Variants in NKAIN3 observed in about 807,000 individuals in gnomAD.
NKAIN3 encodes the protein sodium/potassium-transporting ATPase subunit beta-1-interacting protein 3.
In NKAIN3, 25 loss-of-function variants were observed where a neutral mutation model predicts 30.2. The ratio of observed to expected loss-of-function variants is 0.83; its 90% CI spans 0.60 to 1.16. NKAIN3 has a LOEUF of 1.16. Among genes scored for constraint, NKAIN3 ranks in the 50% most tolerant of loss-of-function variants. NKAIN3 has a pLI of 0.00. For missense variants in NKAIN3, 225 were observed against 254.1 expected (o/e 0.89, Z 0.78); for synonymous variants, 91 against 89.6 (o/e 1.02, Z -0.09).
chr8:62,440,891 G>A lies in NKAIN3; in HGVS notation c.55-138648G>A, dbSNP rs368719424. Among the ~76,000 whole-genome samples, 10 of 152,132 alleles carry A rather than the reference G, an allele frequency of 6.6e-5. No individual in the cohort carries two copies. The East Asian group carries it at 1.4e-3, about 21-fold the overall frequency. On this transcript the variant is annotated intron_variant, in intron 1 of 6. Transcript: ENST00000623646. Reference sequence around the variant, plus strand: ...AATGTCTGCTCAAAGCTGCTGTTCCGAATATCCTAATTTGTTTCGACTGCC... The same window carrying A: ...AATGTCTGCTCAAAGCTGCTGTTCCAAATATCCTAATTTGTTTCGACTGCC...
chr8:62,479,284 C>T (rs994686931), intron 1 of NKAIN3, among the ~76,000 whole-genome samples: 7 of 152,132 alleles, frequency 4.6e-5, no homozygotes, highest in Non-Finnish European at 1.0e-4. Context: ...ATCCTAGGTT[C>T]TCTGACAGGT....
intron 4 of NKAIN3, among the ~76,000 whole-genome samples, chr8:62,778,131 G>C (rs1246129740): frequency 1.3e-5 from 2 of 152,124 alleles, no homozygotes; most frequent in African/African-American, 4.8e-5. Flanking sequence ...TTACCACGGA[G>C]ACTGTGCTGG....
intron 3 of NKAIN3, among the ~76,000 whole-genome samples, chr8:62,676,918 C>T (rs1045745202): frequency 6.6e-6 from 1 of 151,966 alleles, no homozygotes; most frequent in Admixed American, 6.6e-5. Flanking sequence ...AGAATCTTGT[C>T]ATATTGCCCA....
chr8:62,886,205 C>T (rs570032536), intron 4 of NKAIN3, among the ~76,000 whole-genome samples: 1 of 151,890 alleles, frequency 6.6e-6, no homozygotes, highest in South Asian at 2.1e-4. Flanking sequence ...TATACATTCA[C>T]AACAATTTCA....
intron 4 of NKAIN3, among the ~76,000 whole-genome samples, chr8:62,852,341 C>T (rs1819934779): frequency 6.6e-6 from 1 of 151,966 alleles, no homozygotes; most frequent in Non-Finnish European, 1.5e-5. Flanking sequence ...TGATTCTTCT[C>T]TCTTTTCTTC....
intron 1 of NKAIN3, among the ~76,000 whole-genome samples, chr8:62,282,388 G>A (rs1486974290): frequency 1.3e-5 from 2 of 152,110 alleles, no homozygotes; most frequent in African/African-American, 4.8e-5. Flanking sequence ...TGTGGGGCCT[G>A]GGCTTGTAGG....
At chr8:62,562,124 A>G (rs1809603553) in intron 1 of NKAIN3, among the ~76,000 whole-genome samples, 1 of 152,140 alleles carries the variant, frequency 6.6e-6, no homozygotes, top group Non-Finnish European at 1.5e-5. Flanking sequence ...GAGACAGAGC[A>G]TTTGATAGCT....
At chr8:62,811,083 AT>A (rs1388763088) in intron 4 of NKAIN3, among the ~76,000 whole-genome samples, 1 of 152,094 alleles carries the variant, frequency 6.6e-6, no homozygotes, top group East Asian at 1.9e-4. Flanking sequence ...ATCTCTGACA[AT>A]CCCTACTCTG....
chr8:62,711,247 T>G (rs1243686647), intron 3 of NKAIN3, among the ~76,000 whole-genome samples: 2 of 152,200 alleles, frequency 1.3e-5, no homozygotes, highest in Non-Finnish European at 2.9e-5. Flanking sequence ...ATTTCCCAGT[T>G]GTTCTTTGTG....
intron 3 of NKAIN3, among the ~76,000 whole-genome samples, chr8:62,676,115 G>A (rs1246367555): frequency 1.8e-4 from 27 of 152,116 alleles, no homozygotes; most frequent in Admixed American, 1.8e-3. Context: ...AATCTTATGA[G>A]GTAGCTAGGT....
At chr8:62,556,495 T>C (rs999852477) in intron 1 of NKAIN3, among the ~76,000 whole-genome samples, 1 of 151,768 alleles carries the variant, frequency 6.6e-6, no homozygotes, top group Non-Finnish European at 1.5e-5. Context: ...TCAATAAATG[T>C]AATTATACAA....
intron 4 of NKAIN3, among the ~76,000 whole-genome samples, chr8:62,795,748 A>G (rs1431593889): frequency 6.6e-6 from 1 of 152,158 alleles, no homozygotes; most frequent in Non-Finnish European, 1.5e-5. Context: ...ACCTTTCCCC[A>G]TGTTAATCTA....
At chr8:62,748,364 G>A (rs536582744) in intron 4 of NKAIN3, among the ~76,000 whole-genome samples, 135 of 152,212 alleles carry the variant, frequency 8.9e-4, no homozygotes, top group Middle Eastern at 3.4e-3. Context: ...AAAATTGACC[G>A]ATTCTCAGGC....
At chr8:62,689,036 C>T (rs891952150) in intron 3 of NKAIN3, among the ~76,000 whole-genome samples, 4 of 151,962 alleles carry the variant, frequency 2.6e-5, no homozygotes, top group African/African-American at 9.7e-5. Context: ...TATAGTTTGC[C>T]CATTCTACGT....
intron 4 of NKAIN3, among the ~76,000 whole-genome samples, chr8:62,875,047 T>G (rs1820753001): frequency 6.6e-6 from 1 of 152,180 alleles, no homozygotes; most frequent in Non-Finnish European, 1.5e-5. Context: ...GCAGACAACA[T>G]GATTTTATAT....
intron 1 of NKAIN3, among the ~76,000 whole-genome samples, chr8:62,342,530 C>T (rs1200498904): frequency 6.6e-6 from 1 of 151,960 alleles, no homozygotes; most frequent in Non-Finnish European, 1.5e-5. Flanking sequence ...CCATTAATGC[C>T]CTTTGAGTGT....
chr8:62,777,712 G>A (rs192363206), intron 4 of NKAIN3, among the ~76,000 whole-genome samples: 14 of 152,200 alleles, frequency 9.2e-5, no homozygotes, highest in Admixed American at 9.2e-4. Flanking sequence ...TATTTAGTCT[G>A]TTTGGTAAGG....
At chr8:62,907,455 T>C (rs1241028511) in intron 4 of NKAIN3, among the ~76,000 whole-genome samples, 1 of 152,136 alleles carries the variant, frequency 6.6e-6, no homozygotes, top group African/African-American at 2.4e-5. Flanking sequence ...AGAAGCCAAA[T>C]GTTAATTGCT....
intron 3 of NKAIN3, among the ~76,000 whole-genome samples, chr8:62,716,594 A>G (rs962156590): frequency 1.3e-5 from 2 of 152,160 alleles, no homozygotes; most frequent in Admixed American, 6.5e-5. Context: ...ATGGGCCATT[A>G]TATCCTTTTT....
Sources: gnomAD v4.1 joint callset for allele counts (sites outside exome capture counted in the v4.1 genomes callset) on GRCh38, gnomAD v4.1.1 for gene constraint, MANE v1.5 for transcripts, NCBI Gene and HGNC (gene_info 2026-07-23, HGNC 2026-07-21) for gene names.